The following WLS variants were observed in gnomAD, a reference collection of about 807,000 sequenced individuals.
WLS encodes protein wntless homolog.
WLS carries 23 observed loss-of-function variants against 62.8 expected under a neutral mutation model. That is an observed-to-expected ratio of 0.37 (90% CI 0.26 to 0.52). The LOEUF is 0.52. WLS is among the 20% of genes least tolerant of loss of function. The pLI, the probability that WLS is intolerant of heterozygous loss-of-function variation, is 0.92. For synonymous variants in WLS, 246 were observed against 244.1 expected, an observed-to-expected ratio of 1.01 and a Z score of -0.07; for missense variants, 615 against 697.3, an observed-to-expected ratio of 0.88 and a Z score of 1.33.
intron 1 of WLS, among the ~76,000 whole-genome samples, chr1:68,220,150 C>T (rs1331360269): frequency 6.6e-6 from 1 of 152,044 alleles, no homozygotes; most frequent in Non-Finnish European, 1.5e-5. Context: ...TCTAATTTAC[C>T]GAATATATGA....
intron 3 of WLS, among the ~76,000 whole-genome samples, chr1:68,156,707 A>C (rs535175493): frequency 6.6e-6 from 1 of 152,330 alleles, no homozygotes; most frequent in South Asian, 2.1e-4. Context: ...TGTAGAAAGA[A>C]TGCTGCTTTT....
downstream of WLS, among the ~76,000 whole-genome samples, chr1:68,122,980 G>T (rs985763963): frequency 1.3e-5 from 2 of 152,140 alleles, no homozygotes; most frequent in African/African-American, 4.8e-5. Flanking sequence ...TCATCAACTT[G>T]TACTCTTGGT....
intron 1 of WLS, among the ~76,000 whole-genome samples, chr1:68,230,788 T>G (rs533352474): frequency 6.6e-6 from 1 of 152,194 alleles, no homozygotes; most frequent in Non-Finnish European, 1.5e-5. Flanking sequence ...CACTCTCCTT[T>G]GTTTAAGACA....
chr1:68,161,538 G>A (rs1303414316), intron 2 of WLS, among the ~76,000 whole-genome samples: 7 of 152,182 alleles, frequency 4.6e-5, no homozygotes, highest in African/African-American at 1.7e-4. Context: ...AACAGAAGTT[G>A]GTCGTTAATA....
chr1:68,216,418 C>T (rs538520242), intron 1 of WLS, among the ~76,000 whole-genome samples: 1 of 152,294 alleles, frequency 6.6e-6, no homozygotes, highest in African/African-American at 2.4e-5. Context: ...AAGCACTATA[C>T]AAATGTGAGG....
chr1:68,227,351 A>T (rs1220243491), intron 1 of WLS, among the ~76,000 whole-genome samples: 1 of 141,712 alleles, frequency 7.1e-6, no homozygotes, highest in Non-Finnish European at 1.5e-5. Flanking sequence ...CGGGAGGCGG[A>T]GGTTGCAGTG....
intron 1 of WLS, among the ~76,000 whole-genome samples, chr1:68,209,784 A>C (rs1037188772): frequency 6.6e-6 from 1 of 152,086 alleles, no homozygotes; most frequent in Non-Finnish European, 1.5e-5. Flanking sequence ...TCCGTTTCAA[A>C]AAAAAAAAAG....
intron 10 of WLS, among the ~76,000 whole-genome samples, chr1:68,139,883 G>A (rs1359949111): frequency 6.6e-6 from 1 of 152,238 alleles, no homozygotes; most frequent in Non-Finnish European, 1.5e-5. Flanking sequence ...ACAAAGTATT[G>A]CAGTCCACAA....
chr1:68,202,283 G>A (rs561880575), intron 1 of WLS: 28 of 152,228 alleles, frequency 1.8e-4, no homozygotes, highest in African/African-American at 5.3e-4. Context: ...TGAAAAAATA[G>A]TAAAATGCAC....
chr1:68,141,049 T>C (rs1646679206), intron 10 of WLS, among the ~76,000 whole-genome samples: 2 of 150,050 alleles, frequency 1.3e-5, no homozygotes, highest in Non-Finnish European at 3.0e-5. Flanking sequence ...AAAGTCCCTG[T>C]TTTTCCTGAT....
intron 11 of WLS, among the ~76,000 whole-genome samples, chr1:68,107,658 T>C (rs765371500): frequency 6.6e-6 from 1 of 152,242 alleles, no homozygotes; most frequent in Non-Finnish European, 1.5e-5. Context: ...TTCCATTTAC[T>C]GTGAATCTCT....
rs111554567 is a variant in WLS at position 68,199,655 on chromosome 1, A to G, written c.107-5428T>C. Among the ~76,000 whole-genome samples the G allele has an allele frequency of 5.8e-3, 881 of 152,332 alleles. 5 individuals are homozygous for G. The highest frequency in any genetic ancestry group is 0.02 in the African/African-American group (844 of 41,574). On this transcript the variant is annotated intron_variant, in intron 1 of 11. Coordinates refer to ENST00000262348, the MANE Select transcript of WLS (RefSeq NM_024911.7). The stretch of plus-strand genomic sequence containing the variant: ...CTTTTCTAATCAGTGGTATAATTCT[A>G]CTAGAGTGCCTTGGCCTCTGCTCCC...
intron 1 of WLS, among the ~76,000 whole-genome samples, chr1:68,205,862 A>G (rs1228223570): frequency 6.6e-6 from 1 of 152,206 alleles, no homozygotes; most frequent in East Asian, 1.9e-4. Flanking sequence ...AGAGATGTAA[A>G]TGATTTTTTT....
At chr1:68,135,453 C>A (rs1646594687) in intron 11 of WLS, among the ~76,000 whole-genome samples, 1 of 151,790 alleles carries the variant, frequency 6.6e-6, no homozygotes, top group African/African-American at 2.4e-5. Flanking sequence ...CCCAGGCTAA[C>A]CACAGAAATT....
chr1:68,188,778 A>G (rs560328476), intron 2 of WLS, among the ~76,000 whole-genome samples: 1 of 152,366 alleles, frequency 6.6e-6, no homozygotes, highest in East Asian at 1.9e-4. Context: ...ACAGGGCAGG[A>G]AACTACTCCT....
intron 2 of WLS, among the ~76,000 whole-genome samples, chr1:68,163,940 G>A (rs1190623485): frequency 1.3e-5 from 2 of 152,132 alleles, no homozygotes; most frequent in Non-Finnish European, 2.9e-5. Flanking sequence ...TGAAAAGCAG[G>A]GCTTTTCTAC....
intron 3 of WLS, 47 bp downstream of exon 3, chr1:68,159,076 C>T (rs1646937748): frequency 6.2e-7 from 1 of 1,609,888 alleles, no homozygotes; most frequent in Non-Finnish European, 8.5e-7. Flanking sequence ...TTCCACATAC[C>T]TGAGAACCAA....
intron 2 of WLS, among the ~76,000 whole-genome samples, chr1:68,187,110 G>T (rs1429476743): frequency 6.7e-6 from 1 of 149,524 alleles, no homozygotes; most frequent in Non-Finnish European, 1.5e-5. Context: ...TGCTAGGGGA[G>T]GCTGAGGCAG....
At chr1:68,169,652 T>C (rs1212531725) in intron 2 of WLS, among the ~76,000 whole-genome samples, 2 of 152,328 alleles carry the variant, frequency 1.3e-5, no homozygotes, top group South Asian at 2.1e-4. Context: ...CTCACTGATA[T>C]GCCGCTTGTT....
Sources: gnomAD v4.1 joint callset for allele counts (sites outside exome capture counted in the v4.1 genomes callset) on GRCh38, gnomAD v4.1.1 for gene constraint, MANE v1.5 for transcripts, NCBI Gene and HGNC (gene_info 2026-07-23, HGNC 2026-07-21) for gene names.